Variants in GALNT17 observed in about 807,000 individuals in gnomAD.
GALNT17 encodes the protein UDP-GalNAc:polypeptide N-acetylgalactosaminyltransferase-like 3.
Under a neutral mutation model 63.7 loss-of-function variants are expected in GALNT17, and 29 were observed. The ratio of observed to expected loss-of-function variants is 0.46; its 90% CI spans 0.34 to 0.62. The LOEUF (loss-of-function observed/expected upper bound fraction) is 0.62, where lower values mean the gene tolerates loss of function less well. Among genes scored for constraint, GALNT17 ranks in the 20% least tolerant of loss-of-function variants. GALNT17 has a pLI of 0.01. For missense variants in GALNT17, 603 were observed against 799.6 expected (o/e 0.75, Z 2.97); for synonymous variants, 305 against 318.3 (o/e 0.96, Z 0.45).
chr7:71,519,151 T>G (rs1187585869), intron 5 of GALNT17, among the ~76,000 whole-genome samples: 1 of 152,162 alleles, frequency 6.6e-6, no homozygotes, highest in Non-Finnish European at 1.5e-5. Flanking sequence ...AAGTGTGATC[T>G]GGAACTGGGC....
chr7:71,550,292 A>C (rs913498972), intron 5 of GALNT17, among the ~76,000 whole-genome samples: 2 of 152,140 alleles, frequency 1.3e-5, no homozygotes, highest in African/African-American at 4.8e-5. Flanking sequence ...TGGGTCATAC[A>C]TAGCTATGAT....
intron 1 of GALNT17, among the ~76,000 whole-genome samples, chr7:71,167,785 G>A (rs565886668): frequency 3.0e-4 from 46 of 152,274 alleles, no homozygotes; most frequent in African/African-American, 1.0e-3. Context: ...CACCTCCTGG[G>A]TTCAAGCGAT....
At chr7:71,672,501 A>G (rs190418417) in intron 8 of GALNT17, among the ~76,000 whole-genome samples, 101 of 152,348 alleles carry the variant, frequency 6.6e-4, no homozygotes, top group Admixed American at 2.0e-3. Context: ...GAAAATACAT[A>G]TACCACAAAT....
At chr7:71,374,857 T>TTTTTA (rs1792692176) in intron 2 of GALNT17, among the ~76,000 whole-genome samples, 2 of 106,498 alleles carry the variant, frequency 1.9e-5, no homozygotes, top group African/African-American at 3.4e-5. Flanking sequence ...TTTTTTTTTT[T>TTTTTA]GAGACGGAGT....
chr7:71,439,091 G>A (rs1364342567), intron 5 of GALNT17, among the ~76,000 whole-genome samples: 5 of 151,938 alleles, frequency 3.3e-5, no homozygotes, highest in African/African-American at 1.2e-4. Context: ...GTCTTGCTAT[G>A]TTGCCCTGGC....
intron 1 of GALNT17, among the ~76,000 whole-genome samples, chr7:71,317,146 C>A (rs561261396): frequency 4.6e-5 from 7 of 152,124 alleles, no homozygotes; most frequent in Non-Finnish European, 7.3e-5. Context: ...ATATTTACCC[C>A]CAACGTGCCT....
chr7:71,679,372 T>A (rs1402678887), intron 9 of GALNT17, among the ~76,000 whole-genome samples: 1 of 152,086 alleles, frequency 6.6e-6, no homozygotes, highest in Non-Finnish European at 1.5e-5. Flanking sequence ...CACTCCTGGG[T>A]GACAGAGTGA....
intron 6 of GALNT17, among the ~76,000 whole-genome samples, chr7:71,590,560 G>A (rs893424944): frequency 6.6e-6 from 1 of 152,176 alleles, no homozygotes; most frequent in African/African-American, 2.4e-5. Flanking sequence ...CTGGGTTTCT[G>A]GGGCAAGGCC....
chr7:71,693,301 C>CATATATATATATATATATATATATATAT (rs1280771901), intron 9 of GALNT17, among the ~76,000 whole-genome samples: 1 of 82,560 alleles, frequency 1.2e-5, no homozygotes, highest in East Asian at 7.6e-4. Flanking sequence ...CACACACACA[C>CATATATATATATATATATATATATATAT]ACACACACAT....
At chr7:71,484,666 C>G (rs1036932814) in intron 5 of GALNT17, among the ~76,000 whole-genome samples, 2 of 152,070 alleles carry the variant, frequency 1.3e-5, no homozygotes, top group Admixed American at 1.3e-4. Context: ...TCCTGTGGGC[C>G]CACTGTCCTA....
intron 5 of GALNT17, among the ~76,000 whole-genome samples, chr7:71,512,828 G>A (rs1172541150): frequency 6.6e-6 from 1 of 152,208 alleles, no homozygotes; most frequent in Admixed American, 6.5e-5. Flanking sequence ...TGGGGAGAAT[G>A]AGGAGAATCA....
At chr7:71,291,141 A>G (rs896381205) in intron 1 of GALNT17, among the ~76,000 whole-genome samples, 2 of 152,238 alleles carry the variant, frequency 1.3e-5, no homozygotes, top group South Asian at 2.1e-4. Context: ...ACCTTAATAA[A>G]TTAATGTATC....
intron 6 of GALNT17, among the ~76,000 whole-genome samples, chr7:71,634,790 GA>G (rs1191167388): frequency 2.6e-5 from 4 of 151,026 alleles, no homozygotes; most frequent in African/African-American, 9.7e-5. Flanking sequence ...AAGAAAAAAA[GA>G]AATACATTGG....
At position 71,686,555 on chromosome 7, in the gene GALNT17, T is replaced by TA. The variant is rs145155171; in HGVS notation, c.1500+9249_1500+9250insA. ...ACCACCATACCAGGCTTTTTTATTTTTTTTTTAAATTTTTGTAGAGATAGG... is the reference window on the plus strand; with the variant it reads ...ACCACCATACCAGGCTTTTTTATTTTATTTTTTAAATTTTTGTAGAGATAGG... On this transcript the variant is annotated intron_variant, in intron 9 of 10. Transcript: ENST00000333538. Among the ~76,000 whole-genome samples, 41 of 150,152 alleles carry TA rather than the reference T, an allele frequency of 2.7e-4. 1 individual carries two copies. The highest frequency in any genetic ancestry group is 3.4e-3 in the Middle Eastern group (1 of 292).
intron 5 of GALNT17, among the ~76,000 whole-genome samples, chr7:71,439,357 C>G (rs953104337): frequency 6.6e-6 from 1 of 152,198 alleles, no homozygotes; most frequent in African/African-American, 2.4e-5. Context: ...TATTTCTTGA[C>G]ATCACCTAGG....
At chr7:71,359,665 C>T (rs1422836697) in intron 2 of GALNT17, among the ~76,000 whole-genome samples, 1 of 151,830 alleles carries the variant, frequency 6.6e-6, no homozygotes, top group African/African-American at 2.4e-5. Flanking sequence ...CTCACTGCAA[C>T]CTCCACCTTC....
chr7:71,162,087 TCCTC>T lies in GALNT17; in HGVS notation c.238+29059_238+29062del, dbSNP rs370121343. Among the ~76,000 whole-genome samples, 44 of 99,480 alleles carry T rather than the reference TCCTC, an allele frequency of 4.4e-4. 1 individual carries two copies. Among genetic ancestry groups the T allele is most frequent in the African/African-American group, 1.6e-3 (36 of 22,874 alleles). The allele number at this position is 99,480 out of a possible 152,430, so 65.3% of individuals were successfully genotyped here. On this transcript the variant is annotated intron_variant, in intron 1 of 10. Transcript: ENST00000333538. Reference sequence around the variant, plus strand: ...TTCCTTCCTTCCTTCCTTCTTTCCTTCCTCCCTCCCTCCCTTCCTTCCTCCCTCC... The same window carrying T: ...TTCCTTCCTTCCTTCCTTCTTTCCTTCCTCCCTCCCTTCCTTCCTCCCTCC...
rs565394543 is a variant in GALNT17, at chr7:71,263,719, C to T, written c.239-71831C>T. Among the ~76,000 whole-genome samples, 30 of 151,810 alleles carry T rather than the reference C, an allele frequency of 2.0e-4. No homozygotes were observed. The South Asian group carries it at 2.3e-3, about 12-fold the overall frequency. The stretch of plus-strand genomic sequence containing the variant: ...CGGGCGGATCACTAGGTCAGGAGAT[C>T]GAGACCATCCTGGCTAACACGGTGA... On this transcript the variant is annotated intron_variant, in intron 1 of 10. Transcript: ENST00000333538.
chr7:71,699,483 A>C (rs929511136), intron 9 of GALNT17, among the ~76,000 whole-genome samples: 6 of 151,804 alleles, frequency 4.0e-5, no homozygotes, highest in African/African-American at 1.4e-4. Flanking sequence ...CTCAAAAAAA[A>C]AAAAAACCCA....
Sources: allele counts gnomAD v4.1 joint callset (sites outside exome capture counted in the v4.1 genomes callset), GRCh38; gene constraint gnomAD v4.1.1; transcripts MANE v1.5; gene names NCBI Gene and HGNC (gene_info 2026-07-23, HGNC 2026-07-21).